The following ELAVL4 variants were observed in gnomAD, a reference collection of about 807,000 sequenced individuals.
ELAVL4 encodes ELAV-like protein 4.
Under a neutral mutation model 35.6 loss-of-function variants are expected in ELAVL4, and 1 was observed. The ratio of observed to expected loss-of-function variants is 0.03; its 90% CI spans 0.01 to 0.13. ELAVL4 has a LOEUF of 0.13. Among genes scored for constraint, ELAVL4 ranks in the 10% least tolerant of loss-of-function variants. ELAVL4 has a pLI of 1.00. For synonymous variants in ELAVL4, 156 were observed against 171.0 expected, an observed-to-expected ratio of 0.91 and a Z score of 0.69; for missense variants, 267 against 464.9, an observed-to-expected ratio of 0.57 and a Z score of 3.91.
At chr1:50,107,784 T>A (rs897431862), upstream of ELAVL4, among the ~76,000 whole-genome samples, 4 of 152,208 alleles carry the variant, frequency 2.6e-5, no homozygotes, top group Non-Finnish European at 5.9e-5. Flanking sequence ...AAGCATGAAC[T>A]TCTCAGGTAA....
chr1:50,168,881 C>A (rs1210872926), intron 2 of ELAVL4, among the ~76,000 whole-genome samples: 2 of 151,272 alleles, frequency 1.3e-5, no homozygotes, highest in African/African-American at 4.9e-5. Flanking sequence ...CCTCTAGAAC[C>A]ACTCCTGGTA....
intron 6 of ELAVL4, among the ~76,000 whole-genome samples, chr1:50,199,336 T>C (rs1444083783): frequency 6.6e-6 from 1 of 152,242 alleles, no homozygotes; most frequent in East Asian, 1.9e-4. Flanking sequence ...TGCTCTTCCC[T>C]AGTTTTTGCT....
chr1:50,057,096 G>A (rs999606287), intron 1 of ELAVL4, among the ~76,000 whole-genome samples: 1 of 152,084 alleles, frequency 6.6e-6, no homozygotes. Flanking sequence ...AACAAGATGT[G>A]GAGGTGCAAG....
intron 1 of ELAVL4, among the ~76,000 whole-genome samples, chr1:50,131,789 AAAAC>A (rs914637567): frequency 1.3e-5 from 2 of 152,152 alleles, no homozygotes; most frequent in South Asian, 2.1e-4. Context: ...ACTCTGTCTC[AAAAC>A]AAACAAACAA....
At chr1:50,159,417 G>A (rs1225064424) in intron 2 of ELAVL4, among the ~76,000 whole-genome samples, 1 of 152,146 alleles carries the variant, frequency 6.6e-6, no homozygotes, top group East Asian at 1.9e-4. Context: ...AGGCCAGCCT[G>A]GCCAACATGG....
rs530252509 is a variant in ELAVL4 at position 50,125,064 on chromosome 1, G to A, written c.9+15866G>A. Among the ~76,000 whole-genome samples the A allele has an allele frequency of 3.3e-5, 5 of 152,056 alleles. No homozygotes were observed. The South Asian group carries it at 1.0e-3, about 32-fold the overall frequency. ...GCTTTCATTTTAGAGGAAGAAGACA[G>A]AGAATAGAGTAAGTAAGTAGTAAGT... On this transcript the variant is annotated intron_variant, in intron 1 of 6. Transcript: ENST00000371824.
In ELAVL4 at chr1:50,109,016, C is replaced by CGGGGGGGGCCCG; in HGVS notation, c.-174_-173insGGGGGGGGCCCG. 1.1e-6 allele frequency: 1 copy of CGGGGGGGGCCCG among 905,794 alleles called. No homozygotes were observed. 56.1% of individuals were successfully genotyped at this position (905,794 alleles called of 1,614,324 possible). ...CTCCTTTTCTTTTTTTTCTTTCTCT[C>CGGGGGGGGCCCG]CCCCGCCCACCCCCCCAAAAATAAT... is the stretch of plus-strand genomic sequence containing the variant. On this transcript the variant is annotated 5_prime_UTR_variant, in exon 1 of 7. Transcript: ENST00000371824.
intron 1 of ELAVL4, among the ~76,000 whole-genome samples, chr1:50,135,058 G>A (rs1018251633): frequency 6.6e-6 from 1 of 152,090 alleles, no homozygotes; most frequent in African/African-American, 2.4e-5. Flanking sequence ...TATCCGTGCT[G>A]GCCCTGCTAT....
At chr1:50,177,670 C>A (rs1239135811) in intron 3 of ELAVL4, among the ~76,000 whole-genome samples, 1 of 152,130 alleles carries the variant, frequency 6.6e-6, no homozygotes, top group East Asian at 1.9e-4. Flanking sequence ...AATCAGGAGG[C>A]TTTGTGTGCC....
At chr1:50,187,386 C>CA (rs1207502258) in intron 3 of ELAVL4, among the ~76,000 whole-genome samples, 3 of 152,192 alleles carry the variant, frequency 2.0e-5, no homozygotes, top group Admixed American at 2.0e-4. Context: ...GTCTTAAATG[C>CA]ATTTTCTTGT....
upstream of ELAVL4, among the ~76,000 whole-genome samples, chr1:50,100,728 A>G (rs1401304836): frequency 6.6e-6 from 1 of 152,218 alleles, no homozygotes; most frequent in Non-Finnish European, 1.5e-5. Context: ...GTTCACACCA[A>G]TAATTTAGCA....
At chr1:50,117,181 C>A (rs1259527313) in intron 1 of ELAVL4, among the ~76,000 whole-genome samples, 1 of 152,062 alleles carries the variant, frequency 6.6e-6, no homozygotes, top group Non-Finnish European at 1.5e-5. Context: ...ATATTTTAAT[C>A]ACCTCTCTAG....
chr1:50,160,611 G>A (rs1347433007), intron 2 of ELAVL4, among the ~76,000 whole-genome samples: 1 of 152,162 alleles, frequency 6.6e-6, no homozygotes, highest in African/African-American at 2.4e-5. Flanking sequence ...CAAGGCCAGA[G>A]AGCACCTTAG....
At chr1:50,197,259 T>C (rs1380260068) in intron 5 of ELAVL4, among the ~76,000 whole-genome samples, 170 bp from the exon 6 acceptor site, 1 of 152,196 alleles carries the variant, frequency 6.6e-6, no homozygotes. Context: ...CATGAATTAC[T>C]TGCAGTTAGA....
chr1:50,189,818 C>T (rs774425998), intron 3 of ELAVL4, among the ~76,000 whole-genome samples: 2 of 152,174 alleles, frequency 1.3e-5, no homozygotes, highest in Non-Finnish European at 2.9e-5. Context: ...CCCCTTTTTA[C>T]GAGCAAAGAT....
chr1:50,124,257 A>T (rs1669514374), intron 1 of ELAVL4, among the ~76,000 whole-genome samples: 1 of 152,070 alleles, frequency 6.6e-6, no homozygotes, highest in African/African-American at 2.4e-5. Flanking sequence ...ATTCCTCAGT[A>T]ATTCTTCTTT....
At chr1:50,054,764 C>G (rs757263901) in intron 1 of ELAVL4, among the ~76,000 whole-genome samples, 2 of 152,124 alleles carry the variant, frequency 1.3e-5, no homozygotes, top group Non-Finnish European at 2.9e-5. Context: ...TACTCTCTAC[C>G]CTTTTCCCAA....
intron 1 of ELAVL4, among the ~76,000 whole-genome samples, chr1:50,144,140 T>C (rs529253958): frequency 3.7e-4 from 56 of 152,288 alleles, no homozygotes; most frequent in Non-Finnish European, 6.3e-4. Flanking sequence ...AGGATAGGGA[T>C]TCATTCATTT....
chr1:50,165,535 C>A (rs1216503004), intron 2 of ELAVL4, among the ~76,000 whole-genome samples: 2 of 147,384 alleles, frequency 1.4e-5, no homozygotes, highest in Non-Finnish European at 3.0e-5. Flanking sequence ...ATACATATAC[C>A]TATATGTATA....
Sources: gnomAD v4.1 joint callset for allele counts (sites outside exome capture counted in the v4.1 genomes callset) on GRCh38, gnomAD v4.1.1 for gene constraint, MANE v1.5 for transcripts, NCBI Gene and HGNC (gene_info 2026-07-23, HGNC 2026-07-21) for gene names.